The following DLG2 variants were observed in gnomAD, a reference collection of about 807,000 sequenced individuals.
The protein encoded by DLG2 is discs large MAGUK scaffold protein 2.
DLG2 carries 45 observed loss-of-function variants against 132.5 expected under a neutral mutation model. The ratio of observed to expected loss-of-function variants is 0.34; its 90% confidence interval spans 0.27 to 0.44. The LOEUF (loss-of-function observed/expected upper bound fraction) is 0.44. DLG2 is among the 20% of genes least tolerant of loss of function. The pLI, the probability that DLG2 is intolerant of heterozygous loss-of-function variation, is 1.00. For synonymous variants in DLG2, 424 were observed against 419.6 expected (o/e 1.01, Z -0.13); for missense variants, 1,045 against 1,196.9 (o/e 0.87, Z 1.87).
intron 25 of DLG2, 24 bp from the exon 26 acceptor site, chr11:83,466,841 T>C (rs764215875): frequency 7.2e-6 from 11 of 1,518,584 alleles, no homozygotes; most frequent in Non-Finnish European, 1.0e-5. Flanking sequence ...AAGAAAAATA[T>C]GAAGTTAATA....
At chr11:83,941,748 T>C (rs931543005) in intron 14 of DLG2, among the ~76,000 whole-genome samples, 1 of 152,350 alleles carries the variant, frequency 6.6e-6, no homozygotes, top group East Asian at 1.9e-4. Context: ...TCAGTGCTCA[T>C]TAAGATGTCT....
In DLG2 at chr11:83,732,644, A is replaced by G. The variant is rs553088214; in HGVS notation, c.1825+54046T>C. On this transcript the variant is annotated intron_variant, in intron 18 of 27. Transcript: ENST00000376104. ...ATGCAGGCTTTGTGGGTATTTGAGA[A>G]GATTTATGTATTCATTATCATGTGT... is the stretch of plus-strand genomic sequence containing the variant. Among the ~76,000 whole-genome samples the G allele has an allele frequency of 8.0e-4, 122 of 152,352 alleles. 1 individual carries two copies. Among genetic ancestry groups the G allele is most frequent in the African/African-American group, 2.5e-3 (105 of 41,584 alleles).
At chr11:83,750,929 T>A (rs1481910088) in intron 18 of DLG2, among the ~76,000 whole-genome samples, 1 of 152,224 alleles carries the variant, frequency 6.6e-6, no homozygotes, top group Non-Finnish European at 1.5e-5. Context: ...GTGTATCAGA[T>A]ATTTTACTAG....
intron 9 of DLG2, among the ~76,000 whole-genome samples, chr11:84,123,979 T>C (rs191344638): frequency 2.0e-4 from 30 of 152,310 alleles, no homozygotes; most frequent in African/African-American, 6.3e-4. Flanking sequence ...GATTCATGCA[T>C]GTAAAAATAA....
intron 6 of DLG2, among the ~76,000 whole-genome samples, chr11:84,967,631 C>T (rs1044452455): frequency 2.6e-5 from 4 of 151,974 alleles, no homozygotes; most frequent in African/African-American, 7.2e-5. Flanking sequence ...GCAAATGACC[C>T]CTTTAGTGAA....
intron 6 of DLG2, among the ~76,000 whole-genome samples, chr11:85,026,534 T>C (rs2060525455): frequency 6.6e-6 from 1 of 152,150 alleles, no homozygotes; most frequent in Non-Finnish European, 1.5e-5. Flanking sequence ...TATTTTAATA[T>C]TTAAAATAAG....
chr11:83,480,059 T>TG (rs2092973371), intron 22 of DLG2, among the ~76,000 whole-genome samples: 1 of 152,102 alleles, frequency 6.6e-6, no homozygotes, highest in Non-Finnish European at 1.5e-5. Flanking sequence ...GGGGTTACAA[T>TG]GTAAAAATCC....
chr11:84,041,166 A>T (rs936891249), intron 11 of DLG2, among the ~76,000 whole-genome samples: 3 of 152,016 alleles, frequency 2.0e-5, no homozygotes, highest in African/African-American at 7.2e-5. Flanking sequence ...ATTACAGTAT[A>T]CTATATGGAT....
chr11:85,271,585 G>A (rs1247764301), intron 4 of DLG2, among the ~76,000 whole-genome samples: 2 of 152,240 alleles, frequency 1.3e-5, no homozygotes, highest in Non-Finnish European at 2.9e-5. Flanking sequence ...CCAGGAGGGA[G>A]GCTACCTTGC....
intron 6 of DLG2, among the ~76,000 whole-genome samples, chr11:84,916,466 A>G (rs1001438773): frequency 6.6e-6 from 1 of 151,678 alleles, no homozygotes; most frequent in Non-Finnish European, 1.5e-5. Flanking sequence ...CACCACACCT[A>G]AGGAGGACTC....
At chr11:85,013,323 T>C (rs968330843) in intron 6 of DLG2, among the ~76,000 whole-genome samples, 9 of 152,174 alleles carry the variant, frequency 5.9e-5, no homozygotes, top group African/African-American at 1.7e-4. Context: ...TCCTGAACCA[T>C]GTATCTTTGG....
intron 6 of DLG2, among the ~76,000 whole-genome samples, chr11:84,714,635 C>CTT (rs2060965210): frequency 7.7e-6 from 1 of 129,070 alleles, no homozygotes; most frequent in African/African-American, 3.2e-5. Context: ...CTCTCTCTCT[C>CTT]TCTCTCTCTC....
intron 4 of DLG2, among the ~76,000 whole-genome samples, chr11:85,264,237 A>G (rs1190559105): frequency 6.6e-6 from 1 of 152,172 alleles, no homozygotes; most frequent in Non-Finnish European, 1.5e-5. Flanking sequence ...AGAAAAGCCT[A>G]TATCCTCCAC....
downstream of DLG2, chr11:83,455,066 CAT>C (rs2088717550): frequency 6.6e-6 from 1 of 152,580 alleles, no homozygotes; most frequent in Admixed American, 6.5e-5. Flanking sequence ...AAAACCATGA[CAT>C]GTTTATAAAC....
At chr11:85,099,221 G>T (rs537910805) in intron 6 of DLG2, among the ~76,000 whole-genome samples, 1 of 152,320 alleles carries the variant, frequency 6.6e-6, no homozygotes, top group African/African-American at 2.4e-5. Flanking sequence ...GTAGTAGGAA[G>T]CTGGCTGTAG....
chr11:85,456,097 T>C (rs2092413329), intron 3 of DLG2, among the ~76,000 whole-genome samples: 1 of 152,206 alleles, frequency 6.6e-6, no homozygotes, highest in Admixed American at 6.5e-5. Context: ...TGTGAATCTG[T>C]CTGGTCCTGG....
At chr11:84,844,260 A>G (rs1157772035) in intron 6 of DLG2, among the ~76,000 whole-genome samples, 1 of 150,316 alleles carries the variant, frequency 6.7e-6, no homozygotes, top group South Asian at 2.1e-4. Context: ...ATACTAGGGA[A>G]TATATACACA....
At chr11:84,045,932 T>C (rs1324362645) in intron 11 of DLG2, among the ~76,000 whole-genome samples, 2 of 151,380 alleles carry the variant, frequency 1.3e-5, no homozygotes, top group African/African-American at 4.8e-5. Context: ...AAAAACAAGA[T>C]TAATGGAAAA....
At chr11:84,731,431 T>C (rs752706131) in intron 6 of DLG2, among the ~76,000 whole-genome samples, 3 of 151,866 alleles carry the variant, frequency 2.0e-5, no homozygotes, top group Non-Finnish European at 2.9e-5. Flanking sequence ...TAAGAGCATA[T>C]ATAGGGGAAT....
Sources: allele counts gnomAD v4.1 joint callset (sites outside exome capture counted in the v4.1 genomes callset), GRCh38; gene constraint gnomAD v4.1.1; transcripts MANE v1.5; gene names NCBI Gene and HGNC (gene_info 2026-07-23, HGNC 2026-07-21).